Variants in PLEKHA2 observed in about 807,000 individuals in gnomAD.
The protein encoded by PLEKHA2 is pleckstrin homology domain-containing family A member 2.
PLEKHA2 carries 28 observed loss-of-function variants against 53.2 expected under a neutral mutation model. The observed-to-expected ratio is 0.53, with a 90% CI of 0.39 to 0.72. PLEKHA2 has a LOEUF of 0.72. Ranked by LOEUF, PLEKHA2 falls within the 30% of genes least tolerant of loss-of-function variation. PLEKHA2 has a pLI of 0.00. For synonymous variants in PLEKHA2, 193 were observed against 196.4 expected (o/e 0.98, Z 0.14); for missense variants, 426 against 537.9 (o/e 0.79, Z 2.06).
At chr8:38,955,251 G>A (rs940895533) in intron 9 of PLEKHA2, among the ~76,000 whole-genome samples, 1 of 152,126 alleles carries the variant, frequency 6.6e-6, no homozygotes, top group Admixed American at 6.5e-5. Flanking sequence ...GAAAGGAGTG[G>A]GGATTTCCCA....
At chr8:38,953,445 A>G in intron 9 of PLEKHA2, 78 bp downstream of exon 9, 1 of 1,338,410 alleles carries the variant, frequency 7.5e-7, no homozygotes, top group Admixed American at 1.7e-5. Flanking sequence ...CCCTTCAGAG[A>G]CTCTATGCAA....
chr8:38,970,124 G>C lies in PLEKHA2; in HGVS notation c.*341G>C. On this transcript the variant is annotated 3_prime_UTR_variant, in exon 12 of 12. Transcript: ENST00000617275. ...GTTTTAGCAGCTCCTCTCCAGAGGG[G>C]GCTGGAAGTCCAGTTTCACCAATGA... is the stretch of plus-strand genomic sequence containing the variant. 1 of 444,762 alleles carries C rather than the reference G, an allele frequency of 2.2e-6. No homozygotes were observed. Among genetic ancestry groups the C allele is most frequent in the Non-Finnish European group, 3.9e-6 (1 of 256,566 alleles). The allele number at this position is 444,762 out of a possible 1,614,324, so 27.6% of individuals were successfully genotyped here. A position where few individuals can be genotyped will look rare whatever the true frequency, so the allele number is the denominator to read the frequency against.
At chr8:38,935,822 A>T (rs1834484366) in intron 2 of PLEKHA2, among the ~76,000 whole-genome samples, 172 bp from the exon 3 acceptor site, 1 of 152,234 alleles carries the variant, frequency 6.6e-6, no homozygotes, top group Non-Finnish European at 1.5e-5. Flanking sequence ...CTGAATCATT[A>T]TCCAGGAATT....
intron 3 of PLEKHA2, among the ~76,000 whole-genome samples, chr8:38,936,824 T>C (rs1416871179): frequency 6.6e-6 from 1 of 152,196 alleles, no homozygotes; most frequent in Non-Finnish European, 1.5e-5. Context: ...GAAGAGGAAC[T>C]CTTTGTACAG....
At chr8:38,949,328 G>A (rs576174609) in intron 5 of PLEKHA2, among the ~76,000 whole-genome samples, 1 of 152,230 alleles carries the variant, frequency 6.6e-6, no homozygotes, top group African/African-American at 2.4e-5. Flanking sequence ...AGGGCAACAG[G>A]AATGAGGATA....
chr8:38,925,508 T>C (rs1834270216), intron 2 of PLEKHA2, among the ~76,000 whole-genome samples: 1 of 152,248 alleles, frequency 6.6e-6, no homozygotes, highest in Non-Finnish European at 1.5e-5. Context: ...TTTTCCTCTT[T>C]TTCCAAAAAA....
chr8:38,946,352 C>G (rs773781800), intron 5 of PLEKHA2, 131 bp downstream of exon 5: 5 of 705,030 alleles, frequency 7.1e-6, no homozygotes, highest in Non-Finnish European at 1.2e-5. Flanking sequence ...ACCCAGTTCT[C>G]TCCCACCTCG....
At chr8:38,929,681 A>G (rs1183692288) in intron 2 of PLEKHA2, among the ~76,000 whole-genome samples, 1 of 152,182 alleles carries the variant, frequency 6.6e-6, no homozygotes, top group African/African-American at 2.4e-5. Context: ...ATTTCTAAAT[A>G]TATGTTAGTT....
chr8:38,956,653 A>G (rs1834946072), intron 9 of PLEKHA2, among the ~76,000 whole-genome samples: 1 of 152,138 alleles, frequency 6.6e-6, no homozygotes, highest in Non-Finnish European at 1.5e-5. Context: ...TATAAAAATT[A>G]GCCAGGAGTG....
intron 10 of PLEKHA2, among the ~76,000 whole-genome samples, chr8:38,965,524 A>T (rs1835120281): frequency 1.3e-5 from 2 of 152,182 alleles, no homozygotes; most frequent in African/African-American, 4.8e-5. Flanking sequence ...GCCTCCTACC[A>T]AATCATCTTT....
At chr8:38,903,165 T>C (rs1004118131) in intron 1 of PLEKHA2, among the ~76,000 whole-genome samples, 3 of 152,270 alleles carry the variant, frequency 2.0e-5, no homozygotes, top group African/African-American at 4.8e-5. Context: ...TCCAAGCTGG[T>C]ACATGGGAGT....
chr8:38,911,816 G>T (rs1833959151), intron 1 of PLEKHA2, among the ~76,000 whole-genome samples: 1 of 151,934 alleles, frequency 6.6e-6, no homozygotes, highest in Admixed American at 6.6e-5. Context: ...TCTCTACGAA[G>T]AATTAAAAAA....
chr8:38,926,931 A>G (rs2129417315), intron 2 of PLEKHA2, among the ~76,000 whole-genome samples: 1 of 152,286 alleles, frequency 6.6e-6, no homozygotes, highest in South Asian at 2.1e-4. Context: ...AAACCAACCA[A>G]CCAAACAAAC....
chr8:38,920,657 C>G (rs930212004), intron 2 of PLEKHA2, among the ~76,000 whole-genome samples: 2 of 150,466 alleles, frequency 1.3e-5, no homozygotes, highest in African/African-American at 4.9e-5. Context: ...AACTCCTGGG[C>G]TCAAGTGATC....
At chr8:38,909,160 T>C (rs1016884959) in intron 1 of PLEKHA2, among the ~76,000 whole-genome samples, 2 of 151,868 alleles carry the variant, frequency 1.3e-5, no homozygotes, top group African/African-American at 4.8e-5. Context: ...AAAAAAAGAA[T>C]TATTTTCTAA....
intron 1 of PLEKHA2, among the ~76,000 whole-genome samples, chr8:38,913,152 T>C (rs1833980209): frequency 6.6e-6 from 1 of 152,030 alleles, no homozygotes; most frequent in Admixed American, 6.6e-5. Flanking sequence ...TCACCTGAGG[T>C]CAGGATTTCA....
rs150722357 is a variant in PLEKHA2, at chr8:38,969,941, C to CTGTGTGTGTG, written c.*186_*195dup. On this transcript the variant is annotated 3_prime_UTR_variant, in exon 12 of 12. Coordinates refer to ENST00000617275, the MANE Select transcript of PLEKHA2 (RefSeq NM_021623.2). ...GGAGGGAGGGGCCCATCCAGCTGGGCTGTGTGTGTGTGTGTGTGTGTGTGT... is the reference window on the plus strand; with the variant it reads ...GGAGGGAGGGGCCCATCCAGCTGGGCTGTGTGTGTGTGTGTGTGTGTGTGTGTGTGTGTGT... 9.7e-4 allele frequency: 676 copies of CTGTGTGTGTG among 697,634 alleles called. 1 individual carries two copies. The highest frequency in any genetic ancestry group is 8.2e-3 in the African/African-American group (416 of 51,038). The allele number at this position is 697,634 out of a possible 1,614,324, so 43.2% of individuals were successfully genotyped here.
intron 2 of PLEKHA2, among the ~76,000 whole-genome samples, chr8:38,927,757 G>C (rs531213802): frequency 3.9e-5 from 6 of 152,190 alleles, no homozygotes; most frequent in African/African-American, 1.4e-4. Context: ...CATTGTTGCT[G>C]TGAAGAGTAA....
At chr8:38,929,815 T>G (rs868645838) in intron 2 of PLEKHA2, among the ~76,000 whole-genome samples, 1 of 152,204 alleles carries the variant, frequency 6.6e-6, no homozygotes. Context: ...AGAGGACTCA[T>G]GTGTAGTGAA....
Sources: gnomAD v4.1 joint callset for allele counts (sites outside exome capture counted in the v4.1 genomes callset) on GRCh38, gnomAD v4.1.1 for gene constraint, MANE v1.5 for transcripts, NCBI Gene and HGNC (gene_info 2026-07-23, HGNC 2026-07-21) for gene names.